CELF2: variants seen among roughly 807,000 people sequenced by gnomAD.
CELF2 encodes CUG triplet repeat RNA-binding protein 2.
A neutral mutation model predicts 62.6 loss-of-function variants in CELF2; 8 were observed. The observed-to-expected ratio is 0.13, with a 90% CI of 0.07 to 0.23. CELF2 has a LOEUF of 0.23. CELF2 is among the 10% of genes least tolerant of loss of function. CELF2 has a pLI of 1.00. For missense variants in CELF2, 333 were observed against 671.0 expected (o/e 0.50, Z 5.56); for synonymous variants, 258 against 250.0 (o/e 1.03, Z -0.30).
intron 2 of CELF2, among the ~76,000 whole-genome samples, chr10:11,188,548 C>A (rs568463318): frequency 6.6e-6 from 1 of 151,782 alleles, no homozygotes; most frequent in South Asian, 2.1e-4. Flanking sequence ...TTTCCTCAGT[C>A]TGCTTTTAAC....
intron 2 of CELF2, among the ~76,000 whole-genome samples, chr10:10,954,215 TTATTATTATTATTA>T (rs1564255821): frequency 0.019 from 117 of 6,094 alleles, no homozygotes; most frequent in African/African-American, 0.034. Context: ...AATTTATTTA[TTATTATTATTATTA>T]TTATTATTAT....
At chr10:11,058,457 GTTGGTTTTT>G (rs2065860506) in intron 1 of CELF2, among the ~76,000 whole-genome samples, 1 of 115,180 alleles carries the variant, frequency 8.7e-6, no homozygotes, top group Admixed American at 8.5e-5. Context: ...GGTTTTTTTT[GTTGGTTTTT>G]TTTTTTTTTT....
At chr10:11,079,954 A>G (rs1480889551) in intron 1 of CELF2, among the ~76,000 whole-genome samples, 1 of 152,088 alleles carries the variant, frequency 6.6e-6, no homozygotes, top group Non-Finnish European at 1.5e-5. Flanking sequence ...CATTTTTACT[A>G]CTTATAGCGC....
At chr10:11,249,575 A>G (rs541066615) in intron 4 of CELF2, among the ~76,000 whole-genome samples, 1 of 152,018 alleles carries the variant, frequency 6.6e-6, no homozygotes, top group African/African-American at 2.4e-5. Flanking sequence ...TTGCCCATGA[A>G]GAATTAGGCT....
the CELF2 span, among the ~76,000 whole-genome samples, chr10:10,693,480 G>C: frequency 6.6e-6 from 1 of 151,688 alleles, no homozygotes; most frequent in Non-Finnish European, 1.5e-5. Context: ...TCTTTTTTTG[G>C]CTGTGTCTCT....
intron 2 of CELF2, among the ~76,000 whole-genome samples, chr10:10,954,394 T>C (rs922425337): frequency 9.9e-5 from 15 of 152,072 alleles, no homozygotes; most frequent in Admixed American, 8.5e-4. Flanking sequence ...TACAGGCGCA[T>C]GCCACCATGC....
chr10:10,717,696 C>A, the CELF2 span, among the ~76,000 whole-genome samples: 1 of 151,976 alleles, frequency 6.6e-6, no homozygotes, highest in Non-Finnish European at 1.5e-5. Context: ...AAATGAACAA[C>A]AAATCAAAAG....
chr10:11,134,476 T>C (rs986210547), intron 1 of CELF2, among the ~76,000 whole-genome samples: 1 of 152,138 alleles, frequency 6.6e-6, no homozygotes. Flanking sequence ...AGCTGCTGGG[T>C]GATTGGACAT....
At chr10:11,036,344 C>A (rs1368638588) in intron 1 of CELF2, among the ~76,000 whole-genome samples, 2 of 152,314 alleles carry the variant, frequency 1.3e-5, no homozygotes, top group Admixed American at 1.3e-4. Context: ...TACTTTGCTT[C>A]CAGGCTTTAA....
the CELF2 span, among the ~76,000 whole-genome samples, chr10:10,470,052 T>G: frequency 6.6e-6 from 1 of 151,878 alleles, no homozygotes; most frequent in Admixed American, 6.6e-5. Context: ...GATTTTAAGA[T>G]TAGGGATTCT....
chr10:11,135,830 G>T (rs759934917), intron 1 of CELF2, among the ~76,000 whole-genome samples: 7 of 151,236 alleles, frequency 4.6e-5, no homozygotes, highest in Non-Finnish European at 1.0e-4. Context: ...TCTGAGGTCT[G>T]TAAATAATGT....
intron 1 of CELF2, among the ~76,000 whole-genome samples, chr10:11,158,933 G>A (rs2065098556): frequency 6.6e-6 from 1 of 152,160 alleles, no homozygotes; most frequent in Admixed American, 6.5e-5. Context: ...TCAAAGTGCA[G>A]GATTGATCAT....
intron 1 of CELF2, among the ~76,000 whole-genome samples, chr10:10,810,054 G>A (rs2055687201): frequency 6.6e-6 from 1 of 152,136 alleles, no homozygotes; most frequent in Non-Finnish European, 1.5e-5. Flanking sequence ...TTCCCTCTAA[G>A]CCAATTAGGA....
At position 10,931,030 on chromosome 10, in the gene CELF2, G is replaced by T. The variant is rs919690231; in HGVS notation, c.89+11031G>T. Among the ~76,000 whole-genome samples, 1 of 152,184 alleles carries T rather than the reference G, an allele frequency of 6.6e-6. No individual in the cohort carries two copies. Among genetic ancestry groups the T allele is most frequent in the African/African-American group, 2.4e-5 (1 of 41,440 alleles). ...TTGGCTTCCACTGATGTTTGGGATT[G>T]TCGAGCTACCAAGAACACATAAATT... On this transcript the variant is annotated intron_variant, in intron 2 of 13. Coordinates refer to the CELF2 transcript ENST00000636488. This position sits in a 1 kb window ranked among gnomAD's most constrained non-coding sequence, Gnocchi z 6.1.
At chr10:10,476,714 T>A in the CELF2 span, among the ~76,000 whole-genome samples, 1 of 152,292 alleles carries the variant, frequency 6.6e-6, no homozygotes, top group East Asian at 1.9e-4. Flanking sequence ...TTTCTGAATA[T>A]AAGATATTTT....
At chr10:11,062,826 G>T (rs1302029289) in intron 1 of CELF2, among the ~76,000 whole-genome samples, 1 of 152,168 alleles carries the variant, frequency 6.6e-6, no homozygotes. Flanking sequence ...TCTAACATGG[G>T]CAACGTGCTA....
At chr10:10,616,719 TGAGA>T in the CELF2 span, among the ~76,000 whole-genome samples, 504 of 55,222 alleles carry the variant, frequency 9.1e-3, 1 homozygote, top group South Asian at 0.051. Flanking sequence ...TGTGTGTGTG[TGAGA>T]GAGAGAGAGA....
chr10:10,628,795 C>T, the CELF2 span, among the ~76,000 whole-genome samples: 5 of 152,064 alleles, frequency 3.3e-5, no homozygotes, highest in African/African-American at 4.8e-5. Context: ...CAAACCTGCA[C>T]ATTGTGCACA....
At chr10:10,646,058 C>G in the CELF2 span, among the ~76,000 whole-genome samples, 1 of 152,142 alleles carries the variant, frequency 6.6e-6, no homozygotes. Context: ...ACGTCTCATT[C>G]TCCATTGAGG....
Sources: allele counts gnomAD v4.1 joint callset (sites outside exome capture counted in the v4.1 genomes callset), GRCh38; gene constraint gnomAD v4.1.1; non-coding constraint Gnocchi (gnomAD v3.1); transcripts MANE v1.5; gene names NCBI Gene and HGNC (gene_info 2026-07-23, HGNC 2026-07-21).